Variants in DLG2 observed in about 807,000 individuals in gnomAD.
DLG2 encodes discs large MAGUK scaffold protein 2.
A neutral mutation model predicts 132.5 loss-of-function variants in DLG2; 45 were observed. The observed-to-expected ratio is 0.34, with a 90% CI of 0.27 to 0.44. The LOEUF (loss-of-function observed/expected upper bound fraction) is 0.44, where lower values mean the gene tolerates loss of function less well. Among genes scored for constraint, DLG2 ranks in the 20% least tolerant of loss-of-function variants. The probability of loss-of-function intolerance (pLI) is 1.00; values close to 1 mark genes in which losing one functional copy is unlikely to be tolerated. For missense variants in DLG2, 1,045 were observed against 1,196.9 expected, an observed-to-expected ratio of 0.87 and a Z score of 1.87; for synonymous variants, 424 against 419.6, an observed-to-expected ratio of 1.01 and a Z score of -0.13.
chr11:84,559,484 T>C (rs898081084), intron 6 of DLG2, among the ~76,000 whole-genome samples: 47 of 152,296 alleles, frequency 3.1e-4, no homozygotes, highest in African/African-American at 1.0e-3. Context: ...GAAGTTTCCA[T>C]AATTCAGTTG....
intron 16 of DLG2, among the ~76,000 whole-genome samples, chr11:83,844,866 T>C (rs2154022967): frequency 6.6e-6 from 1 of 152,202 alleles, no homozygotes; most frequent in South Asian, 2.1e-4. Context: ...GTGGCTAATT[T>C]CCCTCTCAGA....
At chr11:85,206,409 C>T (rs1265272422) in intron 4 of DLG2, among the ~76,000 whole-genome samples, 1 of 152,172 alleles carries the variant, frequency 6.6e-6, no homozygotes, top group African/African-American at 2.4e-5. Context: ...AGCTCTGCCC[C>T]TTCAAAGCAT....
chr11:84,270,605 T>C (rs768501674), intron 7 of DLG2, among the ~76,000 whole-genome samples: 5 of 152,212 alleles, frequency 3.3e-5, no homozygotes, highest in South Asian at 2.1e-4. Flanking sequence ...CAGAACTACA[T>C]TGACTGAAAA....
At chr11:85,507,887 T>G (rs983225021) in intron 3 of DLG2, among the ~76,000 whole-genome samples, 5 of 152,166 alleles carry the variant, frequency 3.3e-5, no homozygotes, top group African/African-American at 4.8e-5. Flanking sequence ...CCATAGTTAT[T>G]GGAGGCTTTG....
chr11:84,866,283 T>C lies in DLG2; in HGVS notation c.357+245378A>G, dbSNP rs2084550740. ...GTATGTGTCTGTCCCTTCCAAACCA[T>C]TAAAAACAACAACAACAACAACCAC... is the stretch of plus-strand genomic sequence containing the variant. On this transcript the variant is annotated intron_variant, in intron 6 of 27. Coordinates refer to ENST00000376104, the MANE Select transcript of DLG2 (RefSeq NM_001142699.3). 2.0e-5 allele frequency among the ~76,000 whole-genome samples: 3 copies of C among 151,990 alleles called. No homozygotes were observed. In the South Asian group the frequency reaches 6.2e-4, roughly 32 times the overall value.
chr11:84,648,292 C>G (rs1226435375), intron 6 of DLG2, among the ~76,000 whole-genome samples: 1 of 152,134 alleles, frequency 6.6e-6, no homozygotes, highest in Non-Finnish European at 1.5e-5. Context: ...ACCTTGATTA[C>G]CAAAGGCTGA....
At position 84,802,025 on chromosome 11, in the gene DLG2, GTCATTAAC is replaced by G. The variant is rs1382373618; in HGVS notation, c.358-267302_358-267295del. On this transcript the variant is annotated intron_variant, in intron 6 of 27. Transcript: ENST00000376104. The stretch of plus-strand genomic sequence containing the variant: ...AGTTTATAATGCTCATTTTAGGTAA[GTCATTAAC>G]TCTTTCCATAATTTAGGTGATCATT... 4.0e-5 allele frequency among the ~76,000 whole-genome samples: 6 copies of G among 150,952 alleles called. No individual in the cohort carries two copies. The East Asian group carries it at 1.2e-3, about 29-fold the overall frequency.
chr11:83,551,127 G>A (rs981743324), intron 19 of DLG2, among the ~76,000 whole-genome samples: 1 of 152,132 alleles, frequency 6.6e-6, no homozygotes, highest in Non-Finnish European at 1.5e-5. Flanking sequence ...CTGGGCTTCT[G>A]TATATGAAAA....
At chr11:83,727,823 A>G (rs1052537589) in intron 18 of DLG2, among the ~76,000 whole-genome samples, 1 of 152,202 alleles carries the variant, frequency 6.6e-6, no homozygotes, top group Non-Finnish European at 1.5e-5. Flanking sequence ...TTTTTCATCT[A>G]TCAAACTATA....
chr11:84,131,658 T>C (rs1178123066), intron 9 of DLG2, among the ~76,000 whole-genome samples: 3 of 151,818 alleles, frequency 2.0e-5, no homozygotes, highest in Non-Finnish European at 4.4e-5. Context: ...GGTGACTCAG[T>C]TGTAATCACA....
intron 16 of DLG2, among the ~76,000 whole-genome samples, chr11:83,842,410 A>G (rs1000839935): frequency 1.3e-5 from 2 of 150,998 alleles, no homozygotes; most frequent in South Asian, 2.1e-4. Flanking sequence ...TCTGGCCAAC[A>G]TGGTGAAACC....
At chr11:83,947,127 T>C (rs368718474) in intron 14 of DLG2, among the ~76,000 whole-genome samples, 3 of 152,216 alleles carry the variant, frequency 2.0e-5, no homozygotes, top group South Asian at 4.1e-4. Context: ...GCTCATATAA[T>C]GATGGTCTAC....
intron 8 of DLG2, among the ~76,000 whole-genome samples, chr11:84,230,853 G>A (rs1515091): frequency 0.71 from 108,363 of 152,044 alleles, 39,643 homozygotes; most frequent in Middle Eastern, 0.83. Flanking sequence ...AAGACAACAT[G>A]AGTATCTTCT....
chr11:85,619,808 T>C (rs916269789), intron 2 of DLG2, among the ~76,000 whole-genome samples: 13 of 151,844 alleles, frequency 8.6e-5, no homozygotes, highest in African/African-American at 2.7e-4. Context: ...CACTCCAGCC[T>C]GGGCAACAGA....
At chr11:84,062,045 A>T (rs557615282) in intron 10 of DLG2, among the ~76,000 whole-genome samples, 3 of 152,292 alleles carry the variant, frequency 2.0e-5, no homozygotes, top group African/African-American at 7.2e-5. Context: ...ACTGCTTTTC[A>T]TAGAAGGGAG....
At chr11:83,784,765 A>G (rs1005481508) in intron 18 of DLG2, among the ~76,000 whole-genome samples, 3 of 152,208 alleles carry the variant, frequency 2.0e-5, no homozygotes, top group African/African-American at 7.2e-5. Context: ...CATTCTGTTC[A>G]AGGTTATTTG....
intron 3 of DLG2, among the ~76,000 whole-genome samples, chr11:85,374,479 C>A (rs1419143305): frequency 6.6e-6 from 1 of 152,144 alleles, no homozygotes. Flanking sequence ...TATAAAGATA[C>A]TTATGTCCTA....
chr11:83,913,475 G>A (rs1268863959), intron 15 of DLG2, among the ~76,000 whole-genome samples: 1 of 152,144 alleles, frequency 6.6e-6, no homozygotes, highest in Non-Finnish European at 1.5e-5. Flanking sequence ...GAAGCTCACA[G>A]TCTAGTTGAT....
rs554272819 is a variant in DLG2, at chr11:84,111,622, T to C, written c.625-12575A>G. 4.6e-5 allele frequency among the ~76,000 whole-genome samples: 7 copies of C among 152,334 alleles called. No individual in the cohort carries two copies. In the South Asian group the frequency reaches 1.5e-3, roughly 32 times the overall value. ...AAGGGGTTTACCTGAAATTTTAATG[T>C]AGGAGGGCTAAACTTTGAATCACCT... On this transcript the variant is annotated intron_variant, in intron 9 of 27. Transcript: ENST00000376104.
Sources: gnomAD v4.1 joint callset for allele counts (sites outside exome capture counted in the v4.1 genomes callset) on GRCh38, gnomAD v4.1.1 for gene constraint, MANE v1.5 for transcripts, NCBI Gene and HGNC (gene_info 2026-07-23, HGNC 2026-07-21) for gene names.